RAPGEF2: variants seen among roughly 807,000 people sequenced by gnomAD.
The protein encoded by RAPGEF2 is PDZ domain containing guanine nucleotide exchange factor (GEF) 1.
Under a neutral mutation model 186.7 loss-of-function variants are expected in RAPGEF2, and 54 were observed. The observed-to-expected ratio is 0.29, with a 90% confidence interval of 0.23 to 0.36. RAPGEF2 has a LOEUF of 0.36. RAPGEF2 is among the 10% of genes least tolerant of loss of function. The probability of loss-of-function intolerance (pLI) is 1.00; values close to 1 mark genes in which losing one functional copy is unlikely to be tolerated. For synonymous variants in RAPGEF2, 712 were observed against 705.9 expected (o/e 1.01, Z -0.14); for missense variants, 1,532 against 2,045.0 (o/e 0.75, Z 4.84).
chr4:159,324,814 T>C (rs1453505291), intron 11 of RAPGEF2, among the ~76,000 whole-genome samples: 1 of 152,168 alleles, frequency 6.6e-6, no homozygotes, highest in Non-Finnish European at 1.5e-5. Flanking sequence ...GCAACCACTA[T>C]ATTACAGAGA....
chr4:159,198,012 A>T (rs1214028895), intron 3 of RAPGEF2, among the ~76,000 whole-genome samples: 3 of 152,142 alleles, frequency 2.0e-5, no homozygotes, highest in African/African-American at 7.2e-5. Context: ...GCGTGCCACG[A>T]TGCCTTCCAT....
intron 3 of RAPGEF2, among the ~76,000 whole-genome samples, chr4:159,209,677 G>A (rs1750328467): frequency 6.6e-6 from 1 of 152,172 alleles, no homozygotes; most frequent in Non-Finnish European, 1.5e-5. Context: ...TGGGGAAGTA[G>A]GTAGGCATAT....
chr4:159,321,011 A>G (rs980155135), intron 9 of RAPGEF2, among the ~76,000 whole-genome samples: 1 of 152,178 alleles, frequency 6.6e-6, no homozygotes, highest in African/African-American at 2.4e-5. Context: ...ACAGCTATCC[A>G]GTAAAGCAGA....
intron 4 of RAPGEF2, among the ~76,000 whole-genome samples, chr4:159,230,487 A>G (rs548229765): frequency 6.6e-6 from 1 of 152,326 alleles, no homozygotes; most frequent in East Asian, 1.9e-4. Flanking sequence ...ATATCTTTAA[A>G]AATTAAGGAG....
intron 4 of RAPGEF2, chr4:159,229,602 A>G (rs1382797373): frequency 6.6e-6 from 1 of 152,176 alleles, no homozygotes; most frequent in Admixed American, 6.5e-5. Flanking sequence ...TCTCTATATT[A>G]TATGGAAGAC....
chr4:159,320,278 C>G (rs1430153655), intron 9 of RAPGEF2, among the ~76,000 whole-genome samples: 4 of 152,104 alleles, frequency 2.6e-5, no homozygotes, highest in African/African-American at 9.7e-5. Context: ...ACAATGATTC[C>G]TGCCTCCCAT....
intron 3 of RAPGEF2, among the ~76,000 whole-genome samples, chr4:159,201,423 G>A (rs1033014265): frequency 6.6e-6 from 1 of 152,178 alleles, no homozygotes; most frequent in African/African-American, 2.4e-5. Context: ...GGTTGAAAGA[G>A]GTTTGGACGC....
At chr4:159,357,750 G>T (rs1482872586) in intron 29 of RAPGEF2, among the ~76,000 whole-genome samples, 2 of 152,116 alleles carry the variant, frequency 1.3e-5, no homozygotes, top group Admixed American at 6.6e-5. Flanking sequence ...CTTGCAGATA[G>T]CCACTATTAA....
At chr4:159,203,014 T>C (rs1049204013) in intron 3 of RAPGEF2, among the ~76,000 whole-genome samples, 5 of 152,262 alleles carry the variant, frequency 3.3e-5, no homozygotes, top group Non-Finnish European at 5.9e-5. Flanking sequence ...ATAATTGTCT[T>C]TGCTGATTTA....
intron 3 of RAPGEF2, among the ~76,000 whole-genome samples, chr4:159,199,310 GA>G (rs754777979): frequency 6.6e-6 from 1 of 152,086 alleles, no homozygotes; most frequent in Non-Finnish European, 1.5e-5. Flanking sequence ...ATTTTAAAAT[GA>G]AAATGTTTTA....
At chr4:159,148,902 A>G (rs563897484) in intron 1 of RAPGEF2, among the ~76,000 whole-genome samples, 5 of 152,262 alleles carry the variant, frequency 3.3e-5, no homozygotes, top group Non-Finnish European at 5.9e-5. Flanking sequence ...TACTTTGTTT[A>G]TTGGAAAAAG....
In RAPGEF2 at chr4:159,353,676, G is replaced by A; in HGVS notation, c.4281G>A (p.Gln1427=). 6.3e-7 allele frequency: 1 copy of A among 1,588,090 alleles called. No homozygotes were observed. Among genetic ancestry groups the A allele is most frequent in the Non-Finnish European group, 8.6e-7 (1 of 1,168,166 alleles). Residue 1427 remains glutamine, a synonymous_variant, in exon 28 of 30, where the codon CAG becomes CAA. Transcript: ENST00000691494. The surrounding 1 kb of genome is among the most constrained non-coding windows in gnomAD (Gnocchi z 4.3). ...SHDNIQTIQH[Q]RSWETLPFGH... Reference sequence around the variant, plus strand: ...ATAATATACAGACGATCCAGCACCAGAGAAGCTGGGAGACTCTTCCATTCG... The same window carrying A: ...ATAATATACAGACGATCCAGCACCAAAGAAGCTGGGAGACTCTTCCATTCG...
intron 1 of RAPGEF2, among the ~76,000 whole-genome samples, chr4:159,127,677 C>T (rs1480126695): frequency 6.6e-6 from 1 of 152,056 alleles, no homozygotes; most frequent in Non-Finnish European, 1.5e-5. Flanking sequence ...TTTATAATAC[C>T]TTAGCATTCC....
intron 3 of RAPGEF2, among the ~76,000 whole-genome samples, chr4:159,195,875 G>GTTTTTTT (rs34827512): frequency 7.4e-5 from 7 of 94,228 alleles, no homozygotes; most frequent in Non-Finnish European, 7.9e-5. Context: ...AAACATACCT[G>GTTTTTTT]TTTTTTTTTT....
At position 159,110,158 on chromosome 4, in the gene RAPGEF2, T is replaced by C. The variant is rs546653411; in HGVS notation, c.69+5927T>C. Among the ~76,000 whole-genome samples, 16 of 152,348 alleles carry C rather than the reference T, an allele frequency of 1.1e-4. No individual in the cohort carries two copies. The East Asian group carries it at 2.9e-3, about 28-fold the overall frequency. Reference sequence around the variant, plus strand: ...ATGATCATGGATATTTCATAGTTCATAGGAAAAAATCCAAGTTGTTGAATA... The same window carrying C: ...ATGATCATGGATATTTCATAGTTCACAGGAAAAAATCCAAGTTGTTGAATA... On this transcript the variant is annotated intron_variant, in intron 1 of 29. Transcript: ENST00000691494.
chr4:159,134,058 T>G (rs1741426142), intron 1 of RAPGEF2, among the ~76,000 whole-genome samples: 1 of 152,216 alleles, frequency 6.6e-6, no homozygotes, highest in Non-Finnish European at 1.5e-5. Flanking sequence ...ATGTCACCAC[T>G]GCAACTGCAA....
chr4:159,253,157 C>T (rs182254799), intron 7 of RAPGEF2, among the ~76,000 whole-genome samples: 10 of 152,282 alleles, frequency 6.6e-5, no homozygotes, highest in East Asian at 1.9e-4. Context: ...AGTATTTTAA[C>T]AGCTTTCAAA....
chr4:159,273,339 A>G (rs969821337), intron 7 of RAPGEF2, among the ~76,000 whole-genome samples: 7 of 152,256 alleles, frequency 4.6e-5, no homozygotes, highest in African/African-American at 1.7e-4. Context: ...GAAGAAATGT[A>G]TTTAGAAACT....
chr4:159,158,858 T>C (rs1744398978), intron 1 of RAPGEF2, among the ~76,000 whole-genome samples: 3 of 152,370 alleles, frequency 2.0e-5, no homozygotes, highest in Admixed American at 2.0e-4. Context: ...AGGCCCTTAC[T>C]CAAGTTTCAC....
Sources: allele counts gnomAD v4.1 joint callset (sites outside exome capture counted in the v4.1 genomes callset), GRCh38; gene constraint gnomAD v4.1.1; non-coding constraint Gnocchi (gnomAD v3.1); transcripts MANE v1.5; gene names NCBI Gene and HGNC (gene_info 2026-07-23, HGNC 2026-07-21).